The following LIMD1 variants were observed in gnomAD, a reference collection of about 807,000 sequenced individuals.
The protein encoded by LIMD1 is LIM domain containing 1, also known as LIM domain-containing protein 1.
A neutral mutation model predicts 58.4 loss-of-function variants in LIMD1; 23 were observed. The ratio of observed to expected loss-of-function variants is 0.39; its 90% CI spans 0.28 to 0.56. The LOEUF is 0.56. Among genes scored for constraint, LIMD1 ranks in the 20% least tolerant of loss-of-function variants. The pLI is 0.57. For missense variants in LIMD1, 838 were observed against 855.5 expected, an observed-to-expected ratio of 0.98 and a Z score of 0.25; for synonymous variants, 334 against 345.5, an observed-to-expected ratio of 0.97 and a Z score of 0.37.
At chr3:45,619,255 C>T (rs578142215) in intron 1 of LIMD1, among the ~76,000 whole-genome samples, 2 of 152,216 alleles carry the variant, frequency 1.3e-5, no homozygotes, top group East Asian at 1.9e-4. Flanking sequence ...GCAGTCCTCC[C>T]GCTTCAGCCT....
At chr3:45,619,472 A>G (rs1398619846) in intron 1 of LIMD1, among the ~76,000 whole-genome samples, 1 of 152,216 alleles carries the variant, frequency 6.6e-6, no homozygotes, top group African/African-American at 2.4e-5. Flanking sequence ...TGCATGGGAC[A>G]GTCACTAAAA....
At chr3:45,659,902 T>C (rs1575363274) in intron 2 of LIMD1, among the ~76,000 whole-genome samples, 1 of 152,196 alleles carries the variant, frequency 6.6e-6, no homozygotes, top group East Asian at 1.9e-4. Context: ...TATGAAAATA[T>C]ACAGTGACAA....
intron 7 of LIMD1, among the ~76,000 whole-genome samples, chr3:45,674,976 A>G (rs564897603): frequency 8.5e-5 from 13 of 152,190 alleles, no homozygotes; most frequent in African/African-American, 3.1e-4. Flanking sequence ...CCCCTCACCA[A>G]CCCTTGTGAA....
chr3:45,630,450 G>A (rs141639406), intron 1 of LIMD1, among the ~76,000 whole-genome samples: 48 of 152,294 alleles, frequency 3.2e-4, no homozygotes, highest in East Asian at 1.9e-3. Flanking sequence ...TGGGGGGAAC[G>A]ATTGGTTTCC....
rs34165649 is a variant in LIMD1, at chr3:45,626,893, C to CA, written c.1409-9243dup. Among the ~76,000 whole-genome samples the CA allele has an allele frequency of 3.0e-3, 398 of 133,848 alleles. 3 individuals are homozygous for CA. The highest frequency in any genetic ancestry group is 6.6e-3 in the African/African-American group (242 of 36,918). The allele number at this position is 133,848 out of a possible 152,430, so 87.8% of individuals were successfully genotyped here. Reference sequence around the variant, plus strand: ...GTTTTGCTGTGAACCTAAAACTGCTCAAAAAAAAAAAAAAGTAAATTCATT... The same window carrying CA: ...GTTTTGCTGTGAACCTAAAACTGCTCAAAAAAAAAAAAAAAGTAAATTCATT... On this transcript the variant is annotated intron_variant, in intron 1 of 7. Coordinates refer to ENST00000273317, the MANE Select transcript of LIMD1 (RefSeq NM_014240.3).
intron 1 of LIMD1, among the ~76,000 whole-genome samples, chr3:45,625,691 G>C (rs1262934870): frequency 2.0e-5 from 3 of 152,104 alleles, no homozygotes; most frequent in African/African-American, 7.2e-5. Context: ...CGGGTTCCTG[G>C]TAAAAGGATG....
intron 1 of LIMD1, chr3:45,612,960 A>G (rs1276672456): frequency 6.6e-6 from 1 of 152,196 alleles, no homozygotes; most frequent in East Asian, 1.9e-4. Flanking sequence ...GAACAAGGCA[A>G]CGCTCCGCCT....
At chr3:45,676,769 C>G (rs563963742) in intron 7 of LIMD1, among the ~76,000 whole-genome samples, 153 bp from the exon 8 acceptor site, 1 of 152,366 alleles carries the variant, frequency 6.6e-6, no homozygotes, top group Non-Finnish European at 1.5e-5. Flanking sequence ...TTGGACAGGC[C>G]TCCACGGGGC....
At chr3:45,645,872 C>T (rs985274396) in intron 2 of LIMD1, among the ~76,000 whole-genome samples, 5 of 152,072 alleles carry the variant, frequency 3.3e-5, no homozygotes, top group Non-Finnish European at 7.4e-5. Flanking sequence ...CTTTCACCAA[C>T]AGTTTTGTTT....
At chr3:45,617,500 C>G (rs973999289) in intron 1 of LIMD1, among the ~76,000 whole-genome samples, 8 of 152,196 alleles carry the variant, frequency 5.3e-5, no homozygotes, top group Non-Finnish European at 1.0e-4. Flanking sequence ...TCCTCCCACG[C>G]CAGGCTCATG....
At chr3:45,596,762 CCG>C (rs1491119281) in intron 1 of LIMD1, among the ~76,000 whole-genome samples, 3 of 151,508 alleles carry the variant, frequency 2.0e-5, no homozygotes, top group Admixed American at 6.6e-5. Context: ...CTCTTGACTG[CCG>C]TGTGTGTGTG....
chr3:45,672,103 T>C (rs73056592), intron 4 of LIMD1, among the ~76,000 whole-genome samples: 193 of 152,316 alleles, frequency 1.3e-3, no homozygotes, highest in Non-Finnish European at 2.3e-3. Flanking sequence ...CTTATTACAC[T>C]TGGATTTGAG....
In LIMD1 at chr3:45,674,299, CT is replaced by C. The variant is rs760997160; in HGVS notation, c.1825-43del. The C allele has an allele frequency of 9.0e-6, 14 of 1,556,454 alleles. No individual in the cohort carries two copies. In the Admixed American group the frequency reaches 1.0e-4, roughly 11 times the overall value. The stretch of plus-strand genomic sequence containing the variant: ...CGGTACATCAAGCCCGACAGCCCCC[CT>C]AACAGGCCTCTCCTATGTGTTCTTG... On this transcript the variant is annotated intron_variant, in intron 6 of 7. Coordinates refer to ENST00000273317, the MANE Select transcript of LIMD1 (RefSeq NM_014240.3).
At chr3:45,609,419 C>T (rs2125650357) in intron 1 of LIMD1, among the ~76,000 whole-genome samples, 1 of 152,328 alleles carries the variant, frequency 6.6e-6, no homozygotes, top group East Asian at 1.9e-4. Context: ...TCATAGTACA[C>T]TACAGCCTCA....
chr3:45,664,993 A>G (rs1253943208), intron 2 of LIMD1, among the ~76,000 whole-genome samples: 2 of 152,062 alleles, frequency 1.3e-5, no homozygotes, highest in Non-Finnish European at 2.9e-5. Flanking sequence ...TGTGTTTTCC[A>G]TAAGAGATGA....
In LIMD1 at chr3:45,596,064, C is replaced by T. The variant is rs773305600; in HGVS notation, c.1185C>T (p.Thr395=). 6.2e-7 allele frequency: 1 copy of T among 1,614,094 alleles called. No homozygotes were observed. The highest frequency in any genetic ancestry group is 8.5e-7 in the Non-Finnish European group (1 of 1,180,048). ...PTSLVHPVMS[T]LPELSCKEGP... Reference sequence around the variant, plus strand: ...GTCTTGTCCATCCAGTGATGTCCACCCTGCCTGAGTTATCTTGTAAAGAGG... The same window carrying T: ...GTCTTGTCCATCCAGTGATGTCCACTCTGCCTGAGTTATCTTGTAAAGAGG... The change falls in exon 1 of 8, where the codon ACC becomes ACT. Residue 395 remains threonine, a synonymous_variant. Transcript: ENST00000273317.
At chr3:45,615,598 T>C (rs1315340670) in intron 1 of LIMD1, among the ~76,000 whole-genome samples, 1 of 151,874 alleles carries the variant, frequency 6.6e-6, no homozygotes, top group Non-Finnish European at 1.5e-5. Flanking sequence ...CTACTAAAAA[T>C]GCGAAAAATT....
chr3:45,670,880 T>C (rs529104635), intron 4 of LIMD1, among the ~76,000 whole-genome samples: 1 of 152,314 alleles, frequency 6.6e-6, no homozygotes, highest in African/African-American at 2.4e-5. Context: ...GTAAATTGTC[T>C]CTCTATATAC....
At chr3:45,652,598 G>A (rs1014528748) in intron 2 of LIMD1, among the ~76,000 whole-genome samples, 3 of 152,166 alleles carry the variant, frequency 2.0e-5, no homozygotes, top group African/African-American at 7.2e-5. Context: ...TTCTAGTCTT[G>A]CTTTTATGAT....
Sources: gnomAD v4.1 joint callset for allele counts (sites outside exome capture counted in the v4.1 genomes callset) on GRCh38, gnomAD v4.1.1 for gene constraint, MANE v1.5 for transcripts, NCBI Gene and HGNC (gene_info 2026-07-23, HGNC 2026-07-21) for gene names.